LCK: variants seen among roughly 807,000 people sequenced by gnomAD.
LCK encodes tyrosine-protein kinase Lck.
In LCK, 14 loss-of-function variants were observed where a neutral mutation model predicts 64.6. That is an observed-to-expected ratio of 0.22 (90% CI 0.14 to 0.34). LCK has a LOEUF of 0.34. Among genes scored for constraint, LCK ranks in the 10% least tolerant of loss-of-function variants. The probability of loss-of-function intolerance (pLI) is 1.00; values close to 1 mark genes in which losing one functional copy is unlikely to be tolerated. For synonymous variants in LCK, 277 were observed against 263.6 expected, an observed-to-expected ratio of 1.05 and a Z score of -0.49; for missense variants, 434 against 668.1, an observed-to-expected ratio of 0.65 and a Z score of 3.86.
intron 9 of LCK, 184 bp from the exon 10 acceptor site, chr1:32,279,487 C>A: frequency 9.1e-7 from 1 of 1,103,214 alleles, no homozygotes. Context: ...TACCCTAGCC[C>A]CTCTGCAAAA....
At chr1:32,253,809 G>T (rs1337573541) in intron 1 of LCK, among the ~76,000 whole-genome samples, 2 of 151,856 alleles carry the variant, frequency 1.3e-5, no homozygotes, top group African/African-American at 2.4e-5. Flanking sequence ...CGGGGCCATG[G>T]GATCTACTTT....
At chr1:32,278,110 T>C (rs1569962679) in intron 9 of LCK, among the ~76,000 whole-genome samples, 1 of 152,030 alleles carries the variant, frequency 6.6e-6, no homozygotes, top group Non-Finnish European at 1.5e-5. Context: ...GCCCAGGAGG[T>C]TGAGGCTGCA....
chr1:32,273,643 C>G (rs1640171478), intron 1 of LCK, among the ~76,000 whole-genome samples: 1 of 151,978 alleles, frequency 6.6e-6, no homozygotes, highest in Non-Finnish European at 1.5e-5. Flanking sequence ...CTATGGAGTT[C>G]TGCTTGATTT....
At chr1:32,253,901 G>A (rs114772924) in intron 1 of LCK, among the ~76,000 whole-genome samples, 2,731 of 152,100 alleles carry the variant, frequency 0.018, 47 homozygotes, top group Middle Eastern at 0.085. Flanking sequence ...CATATCATGG[G>A]AAAATCTACG....
chr1:32,283,288 CAAAA>C (rs888361880), intron 12 of LCK, among the ~76,000 whole-genome samples: 1 of 53,728 alleles, frequency 1.9e-5, no homozygotes. Flanking sequence ...GACTCTGTCT[CAAAA>C]AAAAAAAAAA....
chr1:32,275,596 G>A lies in LCK; in HGVS notation c.405G>A (p.Lys135=), dbSNP rs1280605505. ...EPWFFKNLSR[K]DAERQLLAPG... ...GGTTCTTCAAGAACCTGAGCCGCAA[G>A]GACGCGGAGCGGCAGCTCCTGGCGC... The change falls in exon 6 of 13, where the codon AAG becomes AAA. Residue 135 remains lysine (K), a synonymous_variant. Transcript: ENST00000336890. This position sits in a 1 kb window ranked among gnomAD's most constrained non-coding sequence, Gnocchi z 6.9. 1.9e-6 allele frequency: 3 copies of A among 1,573,828 alleles called. No individual in the cohort carries two copies. Among genetic ancestry groups the A allele is most frequent in the East Asian group, 2.3e-5 (1 of 42,908 alleles).
At chr1:32,256,065 C>T (rs1464443867) in intron 1 of LCK, among the ~76,000 whole-genome samples, 2 of 151,918 alleles carry the variant, frequency 1.3e-5, no homozygotes, top group African/African-American at 4.8e-5. Context: ...ACTAGGCATT[C>T]AAGACTAGCC....
At chr1:32,281,819 C>G (rs1640468010) in intron 12 of LCK, among the ~76,000 whole-genome samples, 1 of 152,014 alleles carries the variant, frequency 6.6e-6, no homozygotes, top group South Asian at 2.1e-4. Context: ...AATACCAGCA[C>G]TTTGGGAGGC....
At position 32,275,253 on chromosome 1, in the gene LCK, G is replaced by A. The variant is rs1640222794; in HGVS notation, c.279-68G>A. 1.9e-6 allele frequency: 3 copies of A among 1,543,376 alleles called. No individual in the cohort carries two copies. The highest frequency in any genetic ancestry group is 1.1e-5 in the South Asian group (1 of 89,448). Reference sequence around the variant, plus strand: ...GGGGGAGGCTGGCTTAAGGGGTGGAGGGGTCTTTGAGGGAGGGTCTCAGGT... The same window carrying A: ...GGGGGAGGCTGGCTTAAGGGGTGGAAGGGTCTTTGAGGGAGGGTCTCAGGT... On this transcript the variant is annotated intron_variant, in intron 4 of 12. Coordinates refer to ENST00000336890, the MANE Select transcript of LCK (RefSeq NM_005356.5). This position sits in a 1 kb window ranked among gnomAD's most constrained non-coding sequence, Gnocchi z 6.9.
At position 32,276,102 on chromosome 1, in the gene LCK, C is replaced by T. The variant is rs765203662; in HGVS notation, c.631+39C>T. ...GACCCCTCCCCCGTGCCCTATCAGCCTATCTCCCCTCAGTCCCCCTCAGGT... is the reference window on the plus strand; with the variant it reads ...GACCCCTCCCCCGTGCCCTATCAGCTTATCTCCCCTCAGTCCCCCTCAGGT... On this transcript the variant is annotated intron_variant, in intron 7 of 12. Transcript: ENST00000336890. The surrounding 1 kb of genome is among the most constrained non-coding windows in gnomAD (Gnocchi z 4.6). 9 of 1,609,120 alleles carry T rather than the reference C, an allele frequency of 5.6e-6. No homozygotes were observed. In the Admixed American group the frequency reaches 1.0e-4, roughly 18 times the overall value.
Position 32,251,790 on chromosome 1 carries a change from G to A in LCK, c.-6+419G>A, listed in dbSNP as rs1352254357. ...AGGGCTGAGAGTGATGGCTGAGGCT[G>A]TGGCCACCCCGCCTGGAGCAGGGTG... On this transcript the variant is annotated intron_variant, in intron 1 of 12. Transcript: ENST00000336890. The surrounding 1 kb of genome is among the most constrained non-coding windows in gnomAD (Gnocchi z 4.0). Among the ~76,000 whole-genome samples, 1 of 152,152 alleles carries A rather than the reference G, an allele frequency of 6.6e-6. No individual in the cohort carries two copies. Among genetic ancestry groups the A allele is most frequent in the East Asian group, 1.9e-4 (1 of 5,188 alleles).
intron 1 of LCK, among the ~76,000 whole-genome samples, chr1:32,260,089 G>T (rs1049372315): frequency 6.6e-6 from 1 of 151,412 alleles, no homozygotes; most frequent in Non-Finnish European, 1.5e-5. Context: ...CTGTCGCCAC[G>T]CTGGAGTGCA....
rs762582039 is a variant in LCK, at chr1:32,275,883, C to G, written c.482-31C>G. On this transcript the variant is annotated intron_variant, in intron 6 of 12. Coordinates refer to ENST00000336890, the MANE Select transcript of LCK (RefSeq NM_005356.5). This position sits in a 1 kb window ranked among gnomAD's most constrained non-coding sequence, Gnocchi z 6.9. ...GCGGGCCAGACTCACTGCGTTCTTT[C>G]GTCGCTTTGTCCATCCATTCATTCA... 25 of 1,611,862 alleles carry G rather than the reference C, an allele frequency of 1.6e-5. No individual in the cohort carries two copies. Among genetic ancestry groups the G allele is most frequent in the Non-Finnish European group, 2.0e-5 (23 of 1,178,504 alleles).
chr1:32,252,696 T>A (rs1428484906), intron 1 of LCK, among the ~76,000 whole-genome samples: 3 of 152,134 alleles, frequency 2.0e-5, no homozygotes, highest in Non-Finnish European at 2.9e-5. Flanking sequence ...CAGAGGCTCT[T>A]CTCAAAGAGA....
rs555187430 is a variant in LCK, at chr1:32,269,736, C to T, written c.-5-4589C>T. On this transcript the variant is annotated intron_variant, in intron 1 of 12. Coordinates refer to ENST00000336890, the MANE Select transcript of LCK (RefSeq NM_005356.5). The stretch of plus-strand genomic sequence containing the variant: ...CATGAGCCACCGCGCCCAGCCGAGA[C>T]TCTATTAAAAAAAGAAAAAAGAAAG... 4 of 151,874 alleles carry T rather than the reference C, an allele frequency of 2.6e-5. No individual in the cohort carries two copies. In the South Asian group the frequency reaches 8.3e-4, roughly 32 times the overall value. The allele number at this position is 151,874 out of a possible 1,614,324, so 9.4% of individuals were successfully genotyped here.
At chr1:32,279,340 G>C in intron 9 of LCK, among the ~76,000 whole-genome samples, 1 of 152,122 alleles carries the variant, frequency 6.6e-6, no homozygotes, top group East Asian at 1.9e-4. Flanking sequence ...TTGCTAAACT[G>C]TTTGAAGTCA....
intron 1 of LCK, among the ~76,000 whole-genome samples, chr1:32,266,912 A>G (rs1189073502): frequency 7.0e-6 from 1 of 143,840 alleles, no homozygotes; most frequent in Non-Finnish European, 1.5e-5. Context: ...AACTTCTACA[A>G]TCTTTCTCTT....
chr1:32,258,008 T>C (rs1639670212), intron 1 of LCK, among the ~76,000 whole-genome samples: 1 of 151,824 alleles, frequency 6.6e-6, no homozygotes, highest in South Asian at 2.1e-4. Context: ...TTAAGCCAGG[T>C]GTGGTGGCTT....
chr1:32,276,618 G>A lies in LCK; in HGVS notation c.796G>A (p.Gly266Arg). The part of the protein sequence containing the change: ...FGEVWMGYYN[G>R]HTKVAVKSLK... ...CTTCCCCGACCCAGGGTACTACAAC[G>A]GGCACACGAAGGTGGCGGTGAAGAG... Residue 266 changes from glycine (G) to arginine (R), a missense_variant, in exon 9 of 13, where the codon GGG becomes AGG. By Grantham distance (125) the Gly-to-Arg change is moderately radical (BLOSUM62 -2). Transcript: ENST00000336890. This position sits in a 1 kb window ranked among gnomAD's most constrained non-coding sequence, Gnocchi z 4.6. The A allele has an allele frequency of 1.2e-6, 2 of 1,611,490 alleles. No homozygotes were observed. The highest frequency in any genetic ancestry group is 1.7e-6 in the Non-Finnish European group (2 of 1,178,506).
Sources: allele counts gnomAD v4.1 joint callset (sites outside exome capture counted in the v4.1 genomes callset), GRCh38; gene constraint gnomAD v4.1.1; non-coding constraint Gnocchi (gnomAD v3.1); transcripts MANE v1.5; gene names NCBI Gene and HGNC (gene_info 2026-07-23, HGNC 2026-07-21).